Variants in SH3PXD2A observed in about 807,000 individuals in gnomAD.
SH3PXD2A encodes SH3 and PX domain-containing protein 2A.
A neutral mutation model predicts 115.2 loss-of-function variants in SH3PXD2A; 32 were observed. The observed-to-expected ratio is 0.28, with a 90% CI of 0.21 to 0.37. The LOEUF (loss-of-function observed/expected upper bound fraction) is 0.37. Ranked by LOEUF, SH3PXD2A falls within the 10% of genes least tolerant of loss-of-function variation. The pLI is 1.00. For synonymous variants in SH3PXD2A, 610 were observed against 629.1 expected, an observed-to-expected ratio of 0.97 and a Z score of 0.45; for missense variants, 1,328 against 1,498.7, an observed-to-expected ratio of 0.89 and a Z score of 1.88.
chr10:103,819,075 C>G (rs776169416), intron 1 of SH3PXD2A, among the ~76,000 whole-genome samples: 6 of 152,226 alleles, frequency 3.9e-5, no homozygotes, highest in Non-Finnish European at 7.3e-5. Flanking sequence ...AGCCATGTTA[C>G]TTGTCTGATA....
At chr10:103,838,932 G>A (rs2039570630) in intron 1 of SH3PXD2A, among the ~76,000 whole-genome samples, 1 of 152,176 alleles carries the variant, frequency 6.6e-6, no homozygotes, top group Non-Finnish European at 1.5e-5. Context: ...AGAGCACAGA[G>A]CCAGGAAGAG....
intron 2 of SH3PXD2A, among the ~76,000 whole-genome samples, chr10:103,767,823 T>TC (rs55706234): frequency 6.7e-6 from 1 of 148,452 alleles, no homozygotes; most frequent in African/African-American, 2.5e-5. Flanking sequence ...TTTTTTTTTT[T>TC]TTTTTTTTTT....
In SH3PXD2A at chr10:103,595,510, C is replaced by T. The variant is rs1011239240; in HGVS notation, c.*6306G>A. On this transcript the variant is annotated 3_prime_UTR_variant, in exon 15 of 15. Transcript: ENST00000369774. ...ATGCTCTTCTCACCAACGTGCCTCT[C>T]ACTTGCCTCTAACGTGCTCGAGCCA... The T allele has an allele frequency of 1.3e-5, 2 of 152,250 alleles. No homozygotes were observed. Among genetic ancestry groups the T allele is most frequent in the African/African-American group, 4.8e-5 (2 of 41,464 alleles). The allele number at this position is 152,250 out of a possible 1,614,324, so 9.4% of individuals were successfully genotyped here.
At chr10:103,702,651 G>T (rs762259762) in intron 5 of SH3PXD2A, among the ~76,000 whole-genome samples, 66 of 149,918 alleles carry the variant, frequency 4.4e-4, no homozygotes, top group Non-Finnish European at 8.3e-4. Context: ...TGTATGTCTT[G>T]GGGGAGCAGG....
At chr10:103,769,456 T>C (rs958021626) in intron 2 of SH3PXD2A, among the ~76,000 whole-genome samples, 24 of 150,110 alleles carry the variant, frequency 1.6e-4, no homozygotes, top group Non-Finnish European at 3.3e-4. Context: ...CTTCTTTTTT[T>C]TTTTTTTTTT....
chr10:103,611,571 G>C lies in SH3PXD2A; in HGVS notation c.1308+10C>G, dbSNP rs200140824. On this transcript the variant is annotated intron_variant, in intron 13 of 14. Coordinates refer to ENST00000369774, the MANE Select transcript of SH3PXD2A (RefSeq NM_001394015.1). ...GGAAGGAAAGGGGAGAAGAAATTCA[G>C]TACACATACCAGGCTGGATTCTCTG... 1 of 1,613,088 alleles carries C rather than the reference G, an allele frequency of 6.2e-7. No homozygotes were observed. The highest frequency in any genetic ancestry group is 8.5e-7 in the Non-Finnish European group (1 of 1,179,006).
intron 8 of SH3PXD2A, among the ~76,000 whole-genome samples, chr10:103,634,718 A>G (rs2036838926): frequency 1.3e-5 from 2 of 152,128 alleles, no homozygotes; most frequent in Admixed American, 6.5e-5. Flanking sequence ...CTGGGTGTCA[A>G]TGTGTACAGC....
chr10:103,639,830 C>T (rs188033442), intron 8 of SH3PXD2A, among the ~76,000 whole-genome samples: 1 of 151,986 alleles, frequency 6.6e-6, no homozygotes, highest in Non-Finnish European at 1.5e-5. Context: ...TGAGAGAGAC[C>T]TGCTGTCAAA....
chr10:103,627,322 C>T lies in SH3PXD2A; in HGVS notation c.605-120G>A. 1.5e-6 allele frequency: 1 copy of T among 645,318 alleles called. No homozygotes were observed. Among genetic ancestry groups the T allele is most frequent in the South Asian group, 1.8e-5 (1 of 54,952 alleles). 40.0% of individuals were successfully genotyped at this position (645,318 alleles called of 1,614,324 possible). A position where few individuals can be genotyped will look rare whatever the true frequency, so the allele number is the denominator to read the frequency against. On this transcript the variant is annotated intron_variant, in intron 8 of 14. Transcript: ENST00000369774. The surrounding 1 kb of genome is among the most constrained non-coding windows in gnomAD (Gnocchi z 4.4). ...GAAGCGGAGCATGGAGCCAGATGGC[C>T]TGGGGACCCAGCAAATGCCTGGCCC...
chr10:103,797,145 T>C (rs955539615), intron 2 of SH3PXD2A, among the ~76,000 whole-genome samples: 1 of 152,168 alleles, frequency 6.6e-6, no homozygotes, highest in Non-Finnish European at 1.5e-5. Flanking sequence ...ATTACAGGCA[T>C]GAACCACCAC....
Position 103,612,865 on chromosome 10 carries a change from G to T in SH3PXD2A, c.1246C>A (p.Arg416=), listed in dbSNP as rs780930094. The T allele has an allele frequency of 6.4e-7, 1 of 1,565,354 alleles. No individual in the cohort carries two copies. The highest frequency in any genetic ancestry group is 2.2e-5 in the East Asian group (1 of 44,552). The change falls in exon 12 of 15, where the codon CGG becomes AGG. Residue 416 remains arginine (R), a synonymous_variant. Coordinates refer to ENST00000369774, the MANE Select transcript of SH3PXD2A (RefSeq NM_001394015.1). ...SPAVARIAPQ[R]AQISSPNLRT... ...GCGAGGCTCTTACTGATCTGGGCCC[G>T]CTGAGGGGCAATCCTGGCCACAGCT...
At chr10:103,682,632 C>G (rs762408870) in intron 6 of SH3PXD2A, among the ~76,000 whole-genome samples, 1 of 152,068 alleles carries the variant, frequency 6.6e-6, no homozygotes, top group South Asian at 2.1e-4. Context: ...TGGCATGCAT[C>G]TGTAATCCCA....
intron 3 of SH3PXD2A, among the ~76,000 whole-genome samples, chr10:103,749,405 G>A (rs2038547667): frequency 6.6e-6 from 1 of 152,174 alleles, no homozygotes; most frequent in African/African-American, 2.4e-5. Context: ...GAACTCAAAG[G>A]GCACCCGACC....
chr10:103,787,751 A>G (rs2038994055), intron 2 of SH3PXD2A, among the ~76,000 whole-genome samples: 1 of 152,052 alleles, frequency 6.6e-6, no homozygotes, highest in Admixed American at 6.5e-5. Flanking sequence ...CCCAAACACC[A>G]GCCTCATTCT....
intron 2 of SH3PXD2A, among the ~76,000 whole-genome samples, chr10:103,767,371 G>A (rs867681159): frequency 6.6e-6 from 1 of 152,168 alleles, no homozygotes; most frequent in Non-Finnish European, 1.5e-5. Flanking sequence ...GCATCAAAGA[G>A]GGCATCTGAT....
At chr10:103,730,708 G>T (rs972441439) in intron 4 of SH3PXD2A, among the ~76,000 whole-genome samples, 4 of 152,098 alleles carry the variant, frequency 2.6e-5, no homozygotes, top group African/African-American at 9.7e-5. Flanking sequence ...ATCAGGCATT[G>T]GCTGGACAAT....
At chr10:103,641,455 G>C (rs2036954167) in intron 8 of SH3PXD2A, among the ~76,000 whole-genome samples, 1 of 152,230 alleles carries the variant, frequency 6.6e-6, no homozygotes, top group East Asian at 1.9e-4. Context: ...GGAGTGTGTG[G>C]CTAAGGGGAG....
chr10:103,698,240 G>A (rs942854319), intron 5 of SH3PXD2A, among the ~76,000 whole-genome samples: 8 of 152,206 alleles, frequency 5.3e-5, no homozygotes, highest in Non-Finnish European at 8.8e-5. Flanking sequence ...TGGCTGGGCC[G>A]GCTCTGTGGA....
At chr10:103,780,007 C>G (rs2038917106) in intron 2 of SH3PXD2A, among the ~76,000 whole-genome samples, 1 of 152,214 alleles carries the variant, frequency 6.6e-6, no homozygotes, top group Non-Finnish European at 1.5e-5. Context: ...ACCCCTAGCC[C>G]CAATTGTTCT....
Sources: allele counts gnomAD v4.1 joint callset (sites outside exome capture counted in the v4.1 genomes callset), GRCh38; gene constraint gnomAD v4.1.1; non-coding constraint Gnocchi (gnomAD v3.1); transcripts MANE v1.5; gene names NCBI Gene and HGNC (gene_info 2026-07-23, HGNC 2026-07-21).